ATRNL1: variants seen among roughly 807,000 people sequenced by gnomAD.
The protein encoded by ATRNL1 is attractin like 1, also known as attractin-like protein 1.
In ATRNL1, 95 loss-of-function variants were observed where a neutral mutation model predicts 182.7. The ratio of observed to expected loss-of-function variants is 0.52; its 90% CI spans 0.44 to 0.62. The LOEUF (loss-of-function observed/expected upper bound fraction) is 0.62. Among genes scored for constraint, ATRNL1 ranks in the 20% least tolerant of loss-of-function variants. The pLI, the probability that ATRNL1 is intolerant of heterozygous loss-of-function variation, is 0.00. For missense variants in ATRNL1, 1,471 were observed against 1,679.5 expected (o/e 0.88, Z 2.17); for synonymous variants, 576 against 568.3 (o/e 1.01, Z -0.19).
At chr10:115,906,873 T>C (rs1363531535) in intron 28 of ATRNL1, among the ~76,000 whole-genome samples, 1 of 152,204 alleles carries the variant, frequency 6.6e-6, no homozygotes, top group Admixed American at 6.5e-5. Flanking sequence ...GTACCAGCGC[T>C]TTGTAAATAT....
chr10:115,360,552 A>G (rs1311413281), intron 19 of ATRNL1, among the ~76,000 whole-genome samples: 1 of 151,732 alleles, frequency 6.6e-6, no homozygotes, highest in Non-Finnish European at 1.5e-5. Flanking sequence ...GTTATTAAAT[A>G]TAGATTTTAT....
chr10:115,683,548 G>GCTTTTT (rs71473102), intron 26 of ATRNL1, among the ~76,000 whole-genome samples: 5 of 110,944 alleles, frequency 4.5e-5, no homozygotes, highest in Non-Finnish European at 6.9e-5. Context: ...GAGAACTAGC[G>GCTTTTT]TTTTTTTTTT....
intron 21 of ATRNL1, among the ~76,000 whole-genome samples, chr10:115,441,711 A>T (rs633656): frequency 0.36 from 54,816 of 151,440 alleles, 11,006 homozygotes; most frequent in African/African-American, 0.54. Flanking sequence ...ACAGAACTCT[A>T]AGTTTTTCCT....
chr10:115,889,758 A>G (rs1952035453), intron 28 of ATRNL1, among the ~76,000 whole-genome samples: 2 of 152,146 alleles, frequency 1.3e-5, no homozygotes, highest in Non-Finnish European at 1.5e-5. Context: ...ACATCCGAAT[A>G]TTTATCAACC....
At chr10:115,366,525 C>G (rs1312353966) in intron 19 of ATRNL1, among the ~76,000 whole-genome samples, 56 of 151,822 alleles carry the variant, frequency 3.7e-4, no homozygotes, top group Non-Finnish European at 6.6e-4. Context: ...TACATTTAAA[C>G]TTAATATTGT....
At position 115,516,554 on chromosome 10, in the gene ATRNL1, C is replaced by T. The variant is rs11197256; in HGVS notation, c.3655-2709C>T. Among the ~76,000 whole-genome samples the T allele has an allele frequency of 2.4e-3, 361 of 152,010 alleles. 11 individuals carry two copies. The East Asian group carries it at 0.065, about 27-fold the overall frequency. On this transcript the variant is annotated intron_variant, in intron 24 of 28. Coordinates refer to ENST00000355044, the MANE Select transcript of ATRNL1 (RefSeq NM_207303.4). Reference sequence around the variant, plus strand: ...ATGATATTTTTCTTGAGAGTTAGATCATGTCATTCCCATAGCTCAAAACTT... The same window carrying T: ...ATGATATTTTTCTTGAGAGTTAGATTATGTCATTCCCATAGCTCAAAACTT...
chr10:115,193,700 A>G (rs1028928477), intron 8 of ATRNL1, among the ~76,000 whole-genome samples: 3 of 151,330 alleles, frequency 2.0e-5, no homozygotes, highest in Admixed American at 1.3e-4. Flanking sequence ...TTATTGATTT[A>G]ATTTCTGCTC....
At chr10:115,804,949 C>G (rs74577694) in intron 27 of ATRNL1, among the ~76,000 whole-genome samples, 7,646 of 152,144 alleles carry the variant, frequency 0.05, 554 homozygotes, top group African/African-American at 0.16. Context: ...ACAACATTTT[C>G]GTTAAGTCTA....
At chr10:115,287,140 T>C (rs1187488815) in intron 15 of ATRNL1, among the ~76,000 whole-genome samples, 1 of 151,992 alleles carries the variant, frequency 6.6e-6, no homozygotes, top group Non-Finnish European at 1.5e-5. Context: ...AGAAGCATTG[T>C]AGATAGCATA....
chr10:115,278,379 A>G (rs1852199609), intron 13 of ATRNL1, among the ~76,000 whole-genome samples: 1 of 152,266 alleles, frequency 6.6e-6, no homozygotes, highest in African/African-American at 2.4e-5. Context: ...TGAATTGAGC[A>G]GCATTCTGAA....
At chr10:115,194,763 C>A (rs1222241360) in intron 8 of ATRNL1, among the ~76,000 whole-genome samples, 2 of 151,244 alleles carry the variant, frequency 1.3e-5, no homozygotes, top group Non-Finnish European at 3.0e-5. Flanking sequence ...GTTGGTCTTT[C>A]TTTTTTCCTT....
In ATRNL1 at chr10:115,165,627, C is replaced by A. The variant is rs782240382; in HGVS notation, c.1074C>A (p.His358Gln). 113 of 1,527,746 alleles carry A rather than the reference C, an allele frequency of 7.4e-5. No homozygotes were observed. Among genetic ancestry groups the A allele is most frequent in the Non-Finnish European group, 9.9e-5 (112 of 1,126,106 alleles). The allele number at this position is 1,527,746 out of a possible 1,614,324, so 94.6% of individuals were successfully genotyped here. ...PSRGPLQRYGHSLALYQENIF... is the reference protein window; with the variant it reads ...PSRGPLQRYGQSLALYQENIF... ...GGGGACCTCTCCAGAGATATGGACA[C>A]TCTCTTGCTTTATATCAGGTATGGC... The change falls in exon 7 of 29, where the codon CAC becomes CAA. Residue 358 changes from histidine (H) to glutamine (Q), a missense_variant. By Grantham distance (24) the His-to-Gln change is conservative. This residue lies in a region of ATRNL1 where 1,031 missense variants were observed against 1,156.0 expected (regional missense o/e 0.89). Transcript: ENST00000355044.
intron 22 of ATRNL1, 80 bp from the exon 23 acceptor site, chr10:115,467,094 C>T: frequency 1.3e-6 from 1 of 760,934 alleles, no homozygotes; most frequent in Non-Finnish European, 2.3e-6. Flanking sequence ...ATAAAACAGA[C>T]ATAATTAAAT....
intron 13 of ATRNL1, among the ~76,000 whole-genome samples, chr10:115,270,703 T>G (rs1851823177): frequency 6.6e-6 from 1 of 152,030 alleles, no homozygotes; most frequent in Admixed American, 6.6e-5. Flanking sequence ...CTCAATTGCT[T>G]GGATGACGCC....
intron 26 of ATRNL1, among the ~76,000 whole-genome samples, chr10:115,724,381 G>T (rs1279963318): frequency 6.6e-6 from 1 of 152,022 alleles, no homozygotes; most frequent in Non-Finnish European, 1.5e-5. Context: ...AAGAAAATGG[G>T]CCTGTGGTAA....
At chr10:115,356,635 C>T (rs1304286133) in intron 19 of ATRNL1, among the ~76,000 whole-genome samples, 1 of 151,814 alleles carries the variant, frequency 6.6e-6, no homozygotes, top group South Asian at 2.1e-4. Context: ...TGGGCTAATT[C>T]CCAAAGTTCC....
At chr10:115,558,708 G>C (rs1367354088) in intron 26 of ATRNL1, among the ~76,000 whole-genome samples, 1 of 152,108 alleles carries the variant, frequency 6.6e-6, no homozygotes, top group Non-Finnish European at 1.5e-5. Flanking sequence ...TCTGCCCCCA[G>C]ACCTTGGTGT....
chr10:115,746,760 G>A (rs1720454437), intron 27 of ATRNL1, among the ~76,000 whole-genome samples: 1 of 151,912 alleles, frequency 6.6e-6, no homozygotes, highest in Non-Finnish European at 1.5e-5. Flanking sequence ...ACATCATTAG[G>A]AATTCTGATT....
intron 26 of ATRNL1, among the ~76,000 whole-genome samples, chr10:115,651,013 CA>C (rs1859958294): frequency 6.6e-6 from 1 of 152,090 alleles, no homozygotes; most frequent in African/African-American, 2.4e-5. Flanking sequence ...ACATGTGCTT[CA>C]ATACATATAC....
Sources: gnomAD v4.1 joint callset for allele counts (sites outside exome capture counted in the v4.1 genomes callset) on GRCh38, gnomAD v4.1.1 for gene constraint, gnomAD v4.1.1 regional missense constraint, MANE v1.5 for transcripts, NCBI Gene and HGNC (gene_info 2026-07-23, HGNC 2026-07-21) for gene names.